Variants in RFX7 observed in about 807,000 individuals in gnomAD.
RFX7 encodes the protein DNA-binding protein RFX7.
Under a neutral mutation model 111.8 loss-of-function variants are expected in RFX7, and 26 were observed. The observed-to-expected ratio is 0.23, with a 90% CI of 0.17 to 0.32. The LOEUF (loss-of-function observed/expected upper bound fraction) is 0.32, where lower values mean the gene tolerates loss of function less well. Ranked by LOEUF, RFX7 falls within the 10% of genes least tolerant of loss-of-function variation. The pLI is 1.00. For synonymous variants in RFX7, 624 were observed against 624.4 expected (o/e 1.00, Z 0.01); for missense variants, 1,573 against 1,772.9 (o/e 0.89, Z 2.02).
chr15:56,155,535 G>A (rs1304623383), intron 3 of RFX7, among the ~76,000 whole-genome samples: 1 of 152,174 alleles, frequency 6.6e-6, no homozygotes, highest in Non-Finnish European at 1.5e-5. Flanking sequence ...AATACTGCGT[G>A]TTCTCGCTCA....
chr15:56,213,461 C>T (rs2043332161), intron 2 of RFX7, among the ~76,000 whole-genome samples: 1 of 152,184 alleles, frequency 6.6e-6, no homozygotes, highest in Admixed American at 6.5e-5. Context: ...ATCCTATCTA[C>T]ATAACATTCT....
chr15:56,160,997 T>A (rs2042713728), intron 3 of RFX7, among the ~76,000 whole-genome samples: 1 of 152,082 alleles, frequency 6.6e-6, no homozygotes, highest in South Asian at 2.1e-4. Context: ...TGTATTATCG[T>A]GAGGATTTGC....
chr15:56,117,821 A>G (rs1251676165), intron 5 of RFX7, among the ~76,000 whole-genome samples: 2 of 152,126 alleles, frequency 1.3e-5, no homozygotes, highest in African/African-American at 4.8e-5. Flanking sequence ...TTTAATGGCT[A>G]AACAGTATTC....
intron 5 of RFX7, among the ~76,000 whole-genome samples, chr15:56,128,803 AT>A (rs1217232854): frequency 2.0e-5 from 3 of 152,164 alleles, no homozygotes; most frequent in Non-Finnish European, 2.9e-5. Flanking sequence ...AGATAAAAAA[AT>A]CCTAAGAAAT....
intron 5 of RFX7, among the ~76,000 whole-genome samples, chr15:56,133,878 A>G (rs1439895448): frequency 6.6e-6 from 1 of 152,148 alleles, no homozygotes; most frequent in Non-Finnish European, 1.5e-5. Flanking sequence ...AATTCTATGG[A>G]AACACCAACA....
At chr15:56,116,273 AAG>A (rs1342856376) in intron 5 of RFX7, among the ~76,000 whole-genome samples, 4 of 152,338 alleles carry the variant, frequency 2.6e-5, no homozygotes, top group African/African-American at 7.2e-5. Flanking sequence ...AAAACTAAGG[AAG>A]AGAGAGGTAA....
At position 56,095,447 on chromosome 15, in the gene RFX7, C is replaced by G; in HGVS notation, c.2281G>C (p.Glu761Gln). ...CTGTCCAAGAGAAAGACACTTCCTT[C>G]AAGTTTTACTTTTATATCTGGAGAT... ...SSSPDIKVKLEGSVFLLDSDS... is the reference protein window; with the variant it reads ...SSSPDIKVKLQGSVFLLDSDS... The change falls in exon 10 of 10, where the codon GAA (glutamate) becomes CAA (glutamine). Residue 761 changes from glutamate (E) to glutamine (Q), a missense_variant. Transcript: ENST00000559447. 1 of 1,612,504 alleles carries G rather than the reference C, an allele frequency of 6.2e-7. No individual in the cohort carries two copies. Among genetic ancestry groups the G allele is most frequent in the Non-Finnish European group, 8.5e-7 (1 of 1,179,864 alleles).
intron 2 of RFX7, among the ~76,000 whole-genome samples, chr15:56,237,202 A>C (rs981344442): frequency 6.6e-6 from 1 of 152,178 alleles, no homozygotes; most frequent in African/African-American, 2.4e-5. Flanking sequence ...AAATGAGGAA[A>C]CTAAGGTCTA....
chr15:56,184,288 C>A (rs2043012866), intron 2 of RFX7, among the ~76,000 whole-genome samples: 1 of 150,550 alleles, frequency 6.6e-6, no homozygotes, highest in Non-Finnish European at 1.5e-5. Context: ...ATCCACCTGC[C>A]TTGGCCTCCC....
At chr15:56,130,426 A>G (rs201737209) in intron 5 of RFX7, among the ~76,000 whole-genome samples, 1 of 115,846 alleles carries the variant, frequency 8.6e-6, no homozygotes, top group Non-Finnish European at 1.9e-5. Context: ...TGAAAAATTT[A>G]AAAAGAAAAC....
chr15:56,195,849 G>C (rs1190201119), intron 2 of RFX7, among the ~76,000 whole-genome samples: 1 of 152,128 alleles, frequency 6.6e-6, no homozygotes, highest in African/African-American at 2.4e-5. Flanking sequence ...ATTATAAGAA[G>C]TTCCCTAATA....
chr15:56,125,108 A>T (rs2042125830), intron 5 of RFX7, among the ~76,000 whole-genome samples: 1 of 152,154 alleles, frequency 6.6e-6, no homozygotes, highest in African/African-American at 2.4e-5. Context: ...TATTGAAGAG[A>T]CTGTCCTTTC....
At chr15:56,169,841 T>C (rs2042825625) in intron 3 of RFX7, among the ~76,000 whole-genome samples, 1 of 151,866 alleles carries the variant, frequency 6.6e-6, no homozygotes, top group East Asian at 1.9e-4. Flanking sequence ...TGGTTATCTT[T>C]TAACAGGTGA....
At position 56,203,529 on chromosome 15, in the gene RFX7, C is replaced by T. The variant is rs138064966; in HGVS notation, c.162-24226G>A. Among the ~76,000 whole-genome samples the T allele has an allele frequency of 5.1e-3, 777 of 152,300 alleles. 12 individuals carry two copies. Among genetic ancestry groups the T allele is most frequent in the African/African-American group, 0.018 (750 of 41,550 alleles). On this transcript the variant is annotated intron_variant, in intron 2 of 9. Coordinates refer to ENST00000559447, the MANE Select transcript of RFX7 (RefSeq NM_022841.7). ...GGAGCTGGGTAAAATGAGGCTGAAA[C>T]CTACTGGGCTGCATTCCCAGACATT...
intron 3 of RFX7, among the ~76,000 whole-genome samples, chr15:56,162,912 T>C (rs186969481): frequency 5.9e-5 from 9 of 152,184 alleles, no homozygotes; most frequent in East Asian, 5.8e-4. Context: ...ACTAAGTGAA[T>C]AGAAAGAAAA....
At chr15:56,109,198 G>A (rs62044079) in intron 5 of RFX7, among the ~76,000 whole-genome samples, 8 of 152,194 alleles carry the variant, frequency 5.3e-5, no homozygotes, top group African/African-American at 1.7e-4. Context: ...GGCGCGCGCC[G>A]CCACGCCTGA....
At chr15:56,199,455 C>A (rs1182959793) in intron 2 of RFX7, among the ~76,000 whole-genome samples, 1 of 152,062 alleles carries the variant, frequency 6.6e-6, no homozygotes, top group Non-Finnish European at 1.5e-5. Context: ...TTTGGGGAGG[C>A]AGAGTACTGA....
chr15:56,243,040 G>GCGCCCCCCCCCCCCCCCCCCC, intron 2 of RFX7, 85 bp downstream of exon 2: 1 of 570,718 alleles, frequency 1.8e-6, no homozygotes, highest in Non-Finnish European at 3.1e-6. Context: ...CTCCTCCTCC[G>GCGCCCCCCCCCCCCCCCCCCC]CTCCCCCCGC....
At chr15:56,106,451 T>C (rs1434893905) in intron 5 of RFX7, among the ~76,000 whole-genome samples, 1 of 152,230 alleles carries the variant, frequency 6.6e-6, no homozygotes, top group Non-Finnish European at 1.5e-5. Flanking sequence ...AAAGAGGGCA[T>C]CAATGTAAAA....
Sources: allele counts gnomAD v4.1 joint callset (sites outside exome capture counted in the v4.1 genomes callset), GRCh38; gene constraint gnomAD v4.1.1; transcripts MANE v1.5; gene names NCBI Gene and HGNC (gene_info 2026-07-23, HGNC 2026-07-21).